MPDZ: variants seen among roughly 807,000 people sequenced by gnomAD.
MPDZ encodes the protein multiple PDZ domain protein.
A neutral mutation model predicts 239.1 loss-of-function variants in MPDZ; 234 were observed. That is an observed-to-expected ratio of 0.98 (90% CI 0.88 to 1.09). The LOEUF is 1.09. Among genes scored for constraint, MPDZ ranks in the 50% least tolerant of loss-of-function variants. MPDZ has a pLI of 0.00. For missense variants in MPDZ, 3,175 were observed against 2,510.0 expected (o/e 1.26, Z -5.66); for synonymous variants, 1,048 against 881.3 (o/e 1.19, Z -3.35).
At chr9:13,173,961 T>C (rs984446636) in intron 21 of MPDZ, among the ~76,000 whole-genome samples, 1 of 152,166 alleles carries the variant, frequency 6.6e-6, no homozygotes, top group Admixed American at 6.5e-5. Context: ...CTCCCATTTA[T>C]CCTTCCTTTA....
At chr9:13,162,492 ATTTATATATTTCTC>A (rs1451723288) in intron 23 of MPDZ, among the ~76,000 whole-genome samples, 185 bp downstream of exon 23, 9 of 151,884 alleles carry the variant, frequency 5.9e-5, no homozygotes, top group Non-Finnish European at 1.2e-4. Flanking sequence ...TAATTTGAAT[ATTTATATATTTCTC>A]AAATTTTCCA....
intron 3 of MPDZ, among the ~76,000 whole-genome samples, chr9:13,235,431 G>C (rs945531921): frequency 1.3e-5 from 2 of 152,048 alleles, no homozygotes; most frequent in Non-Finnish European, 2.9e-5. Context: ...TAGGTGATAG[G>C]GATAGTAATT....
Position 13,123,940 on chromosome 9 carries a change from G to A in MPDZ, c.4808-642C>T, listed in dbSNP as rs529431988. Among the ~76,000 whole-genome samples the A allele has an allele frequency of 7.2e-5, 11 of 152,238 alleles. No individual in the cohort carries two copies. The South Asian group carries it at 2.3e-3, about 32-fold the overall frequency. On this transcript the variant is annotated intron_variant, in intron 35 of 46. Coordinates refer to ENST00000319217, the MANE Select transcript of MPDZ (RefSeq NM_001378778.1). The stretch of plus-strand genomic sequence containing the variant: ...TCAAATCCTGGTGCATATATGTTCA[G>A]AAATGAATAGATAAGAATAGATTAT...
At chr9:13,158,173 T>C (rs1388978308) in intron 23 of MPDZ, 63 bp from the exon 24 acceptor site, 2 of 1,238,938 alleles carry the variant, frequency 1.6e-6, no homozygotes, top group South Asian at 1.3e-5. Flanking sequence ...AGATTATATG[T>C]ACTCTACTAT....
At chr9:13,170,790 A>T (rs1178680479) in intron 21 of MPDZ, among the ~76,000 whole-genome samples, 1 of 152,218 alleles carries the variant, frequency 6.6e-6, no homozygotes, top group Non-Finnish European at 1.5e-5. Context: ...TAAGGCTGTC[A>T]GGTCACATCA....
At chr9:13,224,616 G>T in intron 3 of MPDZ, 33 bp from the exon 4 acceptor site, 1 of 1,409,044 alleles carries the variant, frequency 7.1e-7, no homozygotes, top group South Asian at 1.3e-5. Context: ...TAAGAATTTT[G>T]ACATTCCATA....
chr9:13,249,210 T>C (rs575008900), intron 2 of MPDZ, among the ~76,000 whole-genome samples: 38 of 152,140 alleles, frequency 2.5e-4, no homozygotes, highest in Admixed American at 5.9e-4. Flanking sequence ...ATGAGCATCT[T>C]ATTCTGTTAT....
chr9:13,232,585 G>A (rs1962808629), intron 3 of MPDZ, among the ~76,000 whole-genome samples: 1 of 151,244 alleles, frequency 6.6e-6, no homozygotes, highest in South Asian at 2.1e-4. Context: ...GAAAATCTCT[G>A]TATTTTAGAA....
At chr9:13,219,803 T>G in intron 7 of MPDZ, 35 bp from the exon 8 acceptor site, 1 of 1,585,430 alleles carries the variant, frequency 6.3e-7, no homozygotes, top group South Asian at 1.1e-5. Flanking sequence ...TAGACTATTA[T>G]TATTTTAACT....
rs571652056 is a variant in MPDZ, at chr9:13,242,171, T to G, written c.183+5464A>C. On this transcript the variant is annotated intron_variant, in intron 3 of 46. Coordinates refer to ENST00000319217, the MANE Select transcript of MPDZ (RefSeq NM_001378778.1). ...CAATTATAACTGAAGATCTTACTTA[T>G]CAAAATGTCATTAAAACCACTACCT... Among the ~76,000 whole-genome samples, 241 of 149,190 alleles carry G rather than the reference T, an allele frequency of 1.6e-3. 1 individual carries two copies. Among genetic ancestry groups the G allele is most frequent in the African/African-American group, 5.6e-3 (228 of 40,944 alleles).
intron 32 of MPDZ, among the ~76,000 whole-genome samples, chr9:13,127,123 A>G (rs1945236797): frequency 6.6e-6 from 1 of 152,240 alleles, no homozygotes; most frequent in African/African-American, 2.4e-5. Flanking sequence ...TAAGTCATTC[A>G]AAACCAACCA....
chr9:13,121,241 A>G (rs150619333), intron 38 of MPDZ, among the ~76,000 whole-genome samples: 58 of 152,192 alleles, frequency 3.8e-4, no homozygotes, highest in African/African-American at 1.3e-3. Flanking sequence ...ATACTCACTT[A>G]TCACTTTTAG....
chr9:13,217,492 G>A (rs1958501883), intron 8 of MPDZ, among the ~76,000 whole-genome samples, 198 bp from the exon 9 acceptor site: 1 of 151,666 alleles, frequency 6.6e-6, no homozygotes, highest in Non-Finnish European at 1.5e-5. Flanking sequence ...GCTCAGAAAG[G>A]GATATCAGGC....
At chr9:13,139,858 T>C in intron 28 of MPDZ, 129 bp downstream of exon 28, 1 of 1,069,068 alleles carries the variant, frequency 9.4e-7, no homozygotes, top group Non-Finnish European at 1.4e-6. Flanking sequence ...CACTATTTCT[T>C]TCCACACAGA....
chr9:13,224,476 T>G lies in MPDZ; in HGVS notation c.291A>C (p.Pro97=). Reference sequence around the variant, plus strand: ...TAAGTGCTTCCAGATTCCCATTGTTTGGGGATAATAAAAACGATTCATTTT... The same window carrying G: ...TAAGTGCTTCCAGATTCCCATTGTTGGGGGATAATAAAAACGATTCATTTT... ...TLQNESFLLS[P]NNGNLEALTG... is the part of the protein sequence containing the mutation. Residue 97 remains proline, a synonymous_variant, in exon 4 of 47, where the codon CCA becomes CCC. Coordinates refer to ENST00000319217, the MANE Select transcript of MPDZ (RefSeq NM_001378778.1). 1 of 1,612,922 alleles carries G rather than the reference T, an allele frequency of 6.2e-7. No homozygotes were observed. The highest frequency in any genetic ancestry group is 8.5e-7 in the Non-Finnish European group (1 of 1,179,266).
intron 22 of MPDZ, chr9:13,165,242 A>C: frequency 1.1e-6 from 1 of 914,604 alleles, no homozygotes; most frequent in Non-Finnish European, 1.6e-6. Context: ...AACAATCTAA[A>C]ATGTATATAC....
intron 3 of MPDZ, among the ~76,000 whole-genome samples, chr9:13,240,208 AAAAAT>A (rs1230911253): frequency 6.6e-6 from 1 of 152,036 alleles, no homozygotes. Flanking sequence ...AGAGGAAAAT[AAAAAT>A]AAAATAAAGC....
At chr9:13,136,295 C>G in intron 30 of MPDZ, 113 bp from the exon 31 acceptor site, 2 of 428,980 alleles carry the variant, frequency 4.7e-6, no homozygotes, top group Non-Finnish European at 3.9e-6. Context: ...AAACCTGGAA[C>G]TGTGACACTT....
At chr9:13,116,546 GTTT>G (rs560428093) in intron 39 of MPDZ, among the ~76,000 whole-genome samples, 456 of 152,080 alleles carry the variant, frequency 3.0e-3, no homozygotes, top group Middle Eastern at 0.014. Context: ...CCATAAGTTG[GTTT>G]TTTTATTTGT....
Sources: allele counts gnomAD v4.1 joint callset (sites outside exome capture counted in the v4.1 genomes callset), GRCh38; gene constraint gnomAD v4.1.1; transcripts MANE v1.5; gene names NCBI Gene and HGNC (gene_info 2026-07-23, HGNC 2026-07-21).